METTL15: variants seen among roughly 807,000 people sequenced by gnomAD.
METTL15 encodes methyltransferase 15, mitochondrial 12S rRNA N4-cytidine.
METTL15 carries 34 observed loss-of-function variants against 38.3 expected under a neutral mutation model. The observed-to-expected ratio is 0.89, with a 90% CI of 0.68 to 1.18. The LOEUF (loss-of-function observed/expected upper bound fraction) is 1.18, where lower values mean the gene tolerates loss of function less well. Among genes scored for constraint, METTL15 ranks in the 50% most tolerant of loss-of-function variants. The pLI is 0.00. For synonymous variants in METTL15, 162 were observed against 170.9 expected, an observed-to-expected ratio of 0.95 and a Z score of 0.41; for missense variants, 438 against 498.4, an observed-to-expected ratio of 0.88 and a Z score of 1.15.
chr11:28,111,029 GAGA>G (rs1259222838), intron 2 of METTL15, among the ~76,000 whole-genome samples: 1 of 152,122 alleles, frequency 6.6e-6, no homozygotes, highest in Non-Finnish European at 1.5e-5. Context: ...GGCTCCAAAA[GAGA>G]AGAATATAAT....
intron 2 of METTL15, among the ~76,000 whole-genome samples, chr11:28,112,067 A>G (rs1453547172): frequency 1.3e-5 from 2 of 152,192 alleles, no homozygotes; most frequent in Non-Finnish European, 2.9e-5. Flanking sequence ...TGTTGATGTT[A>G]CATCATATTT....
At chr11:28,112,053 A>G (rs1255476888) in intron 2 of METTL15, among the ~76,000 whole-genome samples, 2 of 152,160 alleles carry the variant, frequency 1.3e-5, no homozygotes, top group Non-Finnish European at 2.9e-5. Flanking sequence ...TCAAGGTAAC[A>G]TCTTGTTGAT....
intron 6 of METTL15, among the ~76,000 whole-genome samples, chr11:28,481,363 A>G (rs1269730196): frequency 6.6e-6 from 1 of 152,212 alleles, no homozygotes; most frequent in Non-Finnish European, 1.5e-5. Flanking sequence ...AGCCCATAGG[A>G]AACAAATACA....
chr11:28,131,921 A>G (rs1029608812), intron 3 of METTL15, among the ~76,000 whole-genome samples: 4 of 152,182 alleles, frequency 2.6e-5, no homozygotes, highest in African/African-American at 9.6e-5. Context: ...TGACCTTTGT[A>G]ATGTGGAACA....
At chr11:28,388,972 G>A (rs937130917) in intron 5 of METTL15, among the ~76,000 whole-genome samples, 8 of 151,892 alleles carry the variant, frequency 5.3e-5, no homozygotes, top group Non-Finnish European at 1.0e-4. Flanking sequence ...GAGAATGATG[G>A]TTTCCAGCTT....
At chr11:28,140,975 T>C (rs1415762905) in intron 3 of METTL15, among the ~76,000 whole-genome samples, 3 of 152,172 alleles carry the variant, frequency 2.0e-5, no homozygotes, top group Non-Finnish European at 2.9e-5. Context: ...GCTGGCTAAC[T>C]CCTTTCATTA....
Position 28,113,604 on chromosome 11 carries a change from G to A in METTL15, c.270G>A (p.Gln90=), listed in dbSNP as rs768972600. ...ATTGTTTGTCACCACAAAAAGGACA[G>A]GTGAGTTGAATTTTTATTTTTTAGC... The part of the protein sequence containing the change: ...VVHCLSPQKG[Q]IFLDMTFGSG... Residue 90 remains glutamine (Q), a splice_region_variant and synonymous_variant, in exon 3 of 7, where the codon CAG becomes CAA. Coordinates refer to ENST00000407364, the MANE Select transcript of METTL15 (RefSeq NM_001113528.2). 1.3e-6 allele frequency: 2 copies of A among 1,598,086 alleles called. No homozygotes were observed. Among genetic ancestry groups the A allele is most frequent in the Non-Finnish European group, 8.5e-7 (1 of 1,173,396 alleles).
chr11:28,109,234 G>A (rs1039127934), intron 1 of METTL15, among the ~76,000 whole-genome samples: 2 of 152,080 alleles, frequency 1.3e-5, no homozygotes, highest in African/African-American at 4.8e-5. Context: ...TTATATTATT[G>A]TTTCTGATCA....
intron 3 of METTL15, among the ~76,000 whole-genome samples, chr11:28,195,533 G>C (rs1851878369): frequency 6.6e-6 from 1 of 151,874 alleles, no homozygotes; most frequent in South Asian, 2.1e-4. Flanking sequence ...ATCTATTCAT[G>C]ATATTTGCCT....
intron 3 of METTL15, among the ~76,000 whole-genome samples, chr11:28,141,454 AGG>A (rs1849695330): frequency 6.6e-6 from 1 of 152,138 alleles, no homozygotes; most frequent in South Asian, 2.1e-4. Context: ...AATCAGAGGC[AGG>A]AGGATTGCTT....
At chr11:28,129,014 T>A (rs1852624057) in intron 3 of METTL15, among the ~76,000 whole-genome samples, 1 of 152,224 alleles carries the variant, frequency 6.6e-6, no homozygotes, top group Admixed American at 6.5e-5. Context: ...CTAACTTTTT[T>A]GTTTACATGG....
intron 6 of METTL15, among the ~76,000 whole-genome samples, chr11:28,469,239 T>C: frequency 9.0e-6 from 1 of 110,982 alleles, no homozygotes; most frequent in Non-Finnish European, 1.8e-5. Flanking sequence ...ACACCATATT[T>C]GTGTCACTTC....
intron 6 of METTL15, among the ~76,000 whole-genome samples, chr11:28,504,123 G>A (rs565032200): frequency 9.3e-5 from 14 of 150,646 alleles, no homozygotes; most frequent in South Asian, 2.1e-4. Context: ...GCTTGAACCC[G>A]GAGGCAGAGG....
chr11:28,403,450 A>G (rs890075180), intron 5 of METTL15, among the ~76,000 whole-genome samples: 7 of 152,074 alleles, frequency 4.6e-5, no homozygotes, highest in African/African-American at 9.7e-5. Context: ...ACATTTTGTC[A>G]TCATCAGTAT....
chr11:28,125,281 G>T (rs922959906), intron 3 of METTL15, among the ~76,000 whole-genome samples: 2 of 151,926 alleles, frequency 1.3e-5, no homozygotes, highest in African/African-American at 4.8e-5. Context: ...AAATTTCTTT[G>T]AGCAATTTAT....
intron 6 of METTL15, among the ~76,000 whole-genome samples, chr11:28,426,180 T>C (rs1297454218): frequency 1.3e-5 from 2 of 152,190 alleles, no homozygotes; most frequent in Admixed American, 6.5e-5. Flanking sequence ...CTCCCACTTA[T>C]AAGTGAGAAC....
chr11:28,273,013 A>T (rs1335425641), intron 4 of METTL15, among the ~76,000 whole-genome samples: 1 of 152,218 alleles, frequency 6.6e-6, no homozygotes, highest in Non-Finnish European at 1.5e-5. Context: ...TTCTATAATG[A>T]TAAAAATGTT....
chr11:28,375,171 C>A (rs1339908102), intron 5 of METTL15, among the ~76,000 whole-genome samples: 1 of 142,026 alleles, frequency 7.0e-6, no homozygotes, highest in Admixed American at 7.2e-5. Context: ...CAGAATGATG[C>A]TGGCCTCATA....
chr11:28,481,728 G>T (rs763994615), intron 6 of METTL15, among the ~76,000 whole-genome samples: 4 of 152,150 alleles, frequency 2.6e-5, no homozygotes, highest in African/African-American at 9.7e-5. Flanking sequence ...GCTGCTCAGC[G>T]CTGCCTGTGT....
Sources: allele counts gnomAD v4.1 joint callset (sites outside exome capture counted in the v4.1 genomes callset), GRCh38; gene constraint gnomAD v4.1.1; transcripts MANE v1.5; gene names NCBI Gene and HGNC (gene_info 2026-07-23, HGNC 2026-07-21).